Variants in ZBTB20 observed in about 807,000 individuals in gnomAD.
ZBTB20 encodes the protein zinc finger and BTB domain containing 20.
ZBTB20 carries 9 observed loss-of-function variants against 56.9 expected under a neutral mutation model. The ratio of observed to expected loss-of-function variants is 0.16; its 90% CI spans 0.10 to 0.28. ZBTB20 has a LOEUF of 0.28. ZBTB20 is among the 10% of genes least tolerant of loss of function. The pLI is 1.00. For missense variants in ZBTB20, 655 were observed against 1,003.0 expected, an observed-to-expected ratio of 0.65 and a Z score of 4.69; for synonymous variants, 417 against 420.7, an observed-to-expected ratio of 0.99 and a Z score of 0.11.
chr3:114,427,668 C>A (rs376298265), intron 7 of ZBTB20, among the ~76,000 whole-genome samples: 1 of 152,256 alleles, frequency 6.6e-6, no homozygotes, highest in African/African-American at 2.4e-5. Flanking sequence ...TGTAAATAGT[C>A]TCCAAAAATA....
intron 5 of ZBTB20, among the ~76,000 whole-genome samples, chr3:114,720,072 T>G (rs1461057095): frequency 6.7e-6 from 1 of 149,614 alleles, no homozygotes; most frequent in Admixed American, 6.7e-5. Flanking sequence ...TTCTTACATA[T>G]ATAATATATA....
At chr3:114,744,785 G>T (rs1488287934) in intron 5 of ZBTB20, among the ~76,000 whole-genome samples, 1 of 152,060 alleles carries the variant, frequency 6.6e-6, no homozygotes, top group Non-Finnish European at 1.5e-5. Flanking sequence ...AATAATGCTG[G>T]TAAAATATTG....
chr3:114,341,098 C>A (rs1022907315), intron 11 of ZBTB20, among the ~76,000 whole-genome samples: 1 of 152,144 alleles, frequency 6.6e-6, no homozygotes, highest in African/African-American at 2.4e-5. Context: ...CAAACATAAA[C>A]AGATATGTTT....
At chr3:114,356,641 G>C (rs75146412) in intron 10 of ZBTB20, among the ~76,000 whole-genome samples, 1 of 152,104 alleles carries the variant, frequency 6.6e-6, no homozygotes, top group Admixed American at 6.5e-5. Flanking sequence ...ATGAAACAGG[G>C]TGCAGCTTGC....
rs746920213 is a variant in ZBTB20, at chr3:114,350,803, C to G, written c.1275G>C (p.Gln425His). 1 of 1,613,952 alleles carries G rather than the reference C, an allele frequency of 6.2e-7. No individual in the cohort carries two copies. Among genetic ancestry groups the G allele is most frequent in the Admixed American group, 1.7e-5 (1 of 60,028 alleles). Residue 425 changes from glutamine to histidine, a missense_variant, in exon 11 of 12, where the codon CAG becomes CAC. Physicochemically the swap from Gln to His is conservative, Grantham distance 24 (BLOSUM62 0). Around this residue, in one of 10 missense-constraint regions of ZBTB20, gnomAD observed 156 missense variants for 181.0 expected, o/e 0.86. Coordinates refer to ENST00000675478, the MANE Select transcript of ZBTB20 (RefSeq NM_001348800.3). ...CCGGAGAGGAAGCACCTGTTTCTAG[C>G]TGGTTTGTCTGCGGACCACCCTCAG... ...APAEGGPQTN[Q>H]LETGASSPER...
intron 5 of ZBTB20, among the ~76,000 whole-genome samples, chr3:114,754,744 A>C (rs2108667226): frequency 6.6e-6 from 1 of 152,290 alleles, no homozygotes; most frequent in East Asian, 1.9e-4. Context: ...AAATTAAATA[A>C]TATTTTTAAA....
intron 4 of ZBTB20, among the ~76,000 whole-genome samples, chr3:114,851,165 C>T (rs1350276561): frequency 6.6e-6 from 1 of 152,168 alleles, no homozygotes; most frequent in Admixed American, 6.5e-5. Context: ...AAGATATCTA[C>T]TCATGCAAGA....
At chr3:114,910,098 C>A (rs988241841) in intron 3 of ZBTB20, among the ~76,000 whole-genome samples, 7 of 151,698 alleles carry the variant, frequency 4.6e-5, no homozygotes, top group African/African-American at 7.3e-5. Flanking sequence ...TCTATTTGGA[C>A]ATTTAAGTGA....
At chr3:114,604,251 C>A (rs1320268494) in intron 6 of ZBTB20, among the ~76,000 whole-genome samples, 1 of 151,882 alleles carries the variant, frequency 6.6e-6, no homozygotes, top group Non-Finnish European at 1.5e-5. Context: ...CTAAGAGATA[C>A]TGGAGAATAC....
chr3:114,768,048 C>A (rs185390537), intron 5 of ZBTB20, among the ~76,000 whole-genome samples: 1 of 152,102 alleles, frequency 6.6e-6, no homozygotes, highest in Non-Finnish European at 1.5e-5. Context: ...CCTGCACCAT[C>A]TAATTATCCA....
intron 4 of ZBTB20, among the ~76,000 whole-genome samples, chr3:114,850,715 T>C (rs1049243399): frequency 6.6e-6 from 1 of 152,198 alleles, no homozygotes; most frequent in African/African-American, 2.4e-5. Flanking sequence ...GATCACTCTT[T>C]CTGAAGCTTG....
intron 2 of ZBTB20, among the ~76,000 whole-genome samples, chr3:115,039,316 G>A (rs1319832222): frequency 1.3e-5 from 2 of 151,972 alleles, no homozygotes; most frequent in African/African-American, 4.8e-5. Context: ...TTGACTATGC[G>A]ATTAGGAAAA....
chr3:114,451,971 G>A (rs1444879387), intron 7 of ZBTB20, among the ~76,000 whole-genome samples: 2 of 152,006 alleles, frequency 1.3e-5, no homozygotes, highest in Non-Finnish European at 2.9e-5. Flanking sequence ...TTGGGATCAA[G>A]AAGAGCTAGT....
chr3:114,643,835 A>G (rs748203565), intron 6 of ZBTB20, among the ~76,000 whole-genome samples: 11 of 151,906 alleles, frequency 7.2e-5, no homozygotes, highest in Non-Finnish European at 7.4e-5. Context: ...GAGAATTCTA[A>G]CTCTTTAACT....
chr3:114,572,026 T>C (rs1425840864), intron 6 of ZBTB20, among the ~76,000 whole-genome samples: 3 of 151,640 alleles, frequency 2.0e-5, no homozygotes, highest in Admixed American at 1.3e-4. Context: ...TAGCTAGGCA[T>C]GATGTTATTT....
chr3:114,808,282 T>C (rs549910853), intron 4 of ZBTB20, among the ~76,000 whole-genome samples: 2 of 152,094 alleles, frequency 1.3e-5, no homozygotes, highest in South Asian at 2.1e-4. Context: ...GCAATGACAA[T>C]TGAGGTCAAC....
chr3:114,394,290 G>A (rs2086149591), intron 7 of ZBTB20, among the ~76,000 whole-genome samples: 2 of 152,180 alleles, frequency 1.3e-5, no homozygotes, highest in Admixed American at 6.5e-5. Flanking sequence ...CTACTGGATA[G>A]TGAGGCCAGA....
Position 114,993,221 on chromosome 3 carries a change from CAA to C in ZBTB20, c.-506-18807_-506-18806del, listed in dbSNP as rs552823243. Among the ~76,000 whole-genome samples the C allele has an allele frequency of 2.5e-3, 374 of 151,572 alleles. 2 individuals carry two copies. Among genetic ancestry groups the C allele is most frequent in the African/African-American group, 8.5e-3 (353 of 41,352 alleles). ...TAATGTTCAGTACTAACAAATGCCA[CAA>C]GAGAAAAGCAGTACAAAAGAAAATA... On this transcript the variant is annotated intron_variant, in intron 2 of 11. Transcript: ENST00000675478.
intron 6 of ZBTB20, among the ~76,000 whole-genome samples, chr3:114,664,171 A>C (rs566281882): frequency 6.6e-6 from 1 of 152,168 alleles, no homozygotes; most frequent in African/African-American, 2.4e-5. Context: ...GGCTACATAT[A>C]ATCTCTCACA....
Sources: gnomAD v4.1 joint callset for allele counts (sites outside exome capture counted in the v4.1 genomes callset) on GRCh38, gnomAD v4.1.1 for gene constraint, gnomAD v4.1.1 regional missense constraint, MANE v1.5 for transcripts, NCBI Gene and HGNC (gene_info 2026-07-23, HGNC 2026-07-21) for gene names.